RASGEF1C: variants seen among roughly 807,000 people sequenced by gnomAD.
The protein encoded by RASGEF1C is ras-GEF domain-containing family member 1C.
Under a neutral mutation model 58.1 loss-of-function variants are expected in RASGEF1C, and 27 were observed. The ratio of observed to expected loss-of-function variants is 0.46; its 90% CI spans 0.34 to 0.64. The LOEUF (loss-of-function observed/expected upper bound fraction) is 0.64. Among genes scored for constraint, RASGEF1C ranks in the 30% least tolerant of loss-of-function variants. The pLI, the probability that RASGEF1C is intolerant of heterozygous loss-of-function variation, is 0.01. For synonymous variants in RASGEF1C, 243 were observed against 246.3 expected (o/e 0.99, Z 0.13); for missense variants, 502 against 605.1 (o/e 0.83, Z 1.79).
chr5:180,131,865 A>G (rs1405639931), intron 4 of RASGEF1C, among the ~76,000 whole-genome samples: 1 of 152,218 alleles, frequency 6.6e-6, no homozygotes, highest in Non-Finnish European at 1.5e-5. Context: ...TTCATTCCAA[A>G]TAATCATCCT....
At chr5:180,123,944 T>G (rs1370202133) in intron 6 of RASGEF1C, among the ~76,000 whole-genome samples, 1 of 152,070 alleles carries the variant, frequency 6.6e-6, no homozygotes, top group Non-Finnish European at 1.5e-5. Context: ...ATTTGGAAAC[T>G]TAGGGGAAAT....
In RASGEF1C at chr5:180,197,931, A is replaced by G. The variant is rs145800404; in HGVS notation, c.-7+11097T>C. 6.6e-6 allele frequency among the ~76,000 whole-genome samples: 1 copy of G among 152,218 alleles called. No homozygotes were observed. Among genetic ancestry groups the G allele is most frequent in the South Asian group, 2.1e-4 (1 of 4,828 alleles). ...TGCGTCCCACGCTTAGCGACATCCA[A>G]TGCACGTAAAGCAGAAATTCCCCAA... On this transcript the variant is annotated intron_variant, in intron 1 of 13. Coordinates refer to ENST00000361132, the MANE Select transcript of RASGEF1C (RefSeq NM_175062.4). This position sits in a 1 kb window ranked among gnomAD's most constrained non-coding sequence, Gnocchi z 4.7.
chr5:180,176,610 G>T (rs2113317909), intron 1 of RASGEF1C, among the ~76,000 whole-genome samples: 1 of 150,358 alleles, frequency 6.7e-6, no homozygotes, highest in East Asian at 2.0e-4. Flanking sequence ...AGGCTGGAGT[G>T]CAGTGGCGCA....
intron 1 of RASGEF1C, among the ~76,000 whole-genome samples, chr5:180,193,030 G>A (rs1405929275): frequency 7.0e-6 from 1 of 143,118 alleles, no homozygotes; most frequent in Non-Finnish European, 1.5e-5. Flanking sequence ...ACAGGCGTGA[G>A]CCATCGCGCC....
intron 12 of RASGEF1C, among the ~76,000 whole-genome samples, chr5:180,110,061 G>A (rs1765933196): frequency 6.6e-6 from 1 of 152,228 alleles, no homozygotes; most frequent in South Asian, 2.1e-4. Context: ...ACGCACTAGT[G>A]TGGATTGAGG....
chr5:180,160,991 C>A (rs962172995), intron 1 of RASGEF1C, among the ~76,000 whole-genome samples: 3 of 152,224 alleles, frequency 2.0e-5, no homozygotes, highest in Non-Finnish European at 4.4e-5. Context: ...GCATTTGGCA[C>A]AGCCCTGGAA....
chr5:180,136,838 C>T (rs1181634442), intron 3 of RASGEF1C: 4 of 356,360 alleles, frequency 1.1e-5, no homozygotes, highest in African/African-American at 4.3e-5. Context: ...TAGGTCTGTG[C>T]CGACCAATCA....
chr5:180,118,782 T>C lies in RASGEF1C; in HGVS notation c.987+5A>G. On this transcript the variant is annotated splice_donor_5th_base_variant and intron_variant, in intron 9 of 13. Transcript: ENST00000361132. ...GGCACCCGGCAGCCCAGCAGCCTCA[T>C]TTACCTCGAGGATGAAAAACTTGGC... 1 of 1,614,166 alleles carries C rather than the reference T, an allele frequency of 6.2e-7. No homozygotes were observed. Among genetic ancestry groups the C allele is most frequent in the Non-Finnish European group, 8.5e-7 (1 of 1,179,970 alleles).
At chr5:180,173,772 G>A (rs553422775) in intron 1 of RASGEF1C, among the ~76,000 whole-genome samples, 13 of 152,226 alleles carry the variant, frequency 8.5e-5, no homozygotes, top group South Asian at 2.1e-4. Flanking sequence ...AATTAGCTGG[G>A]CGTGGTGGTG....
intron 1 of RASGEF1C, among the ~76,000 whole-genome samples, chr5:180,166,829 T>C (rs1020761731): frequency 1.6e-4 from 24 of 152,216 alleles, no homozygotes; most frequent in African/African-American, 5.8e-4. Flanking sequence ...AAGAATATTT[T>C]TAATAGATGT....
intron 1 of RASGEF1C, among the ~76,000 whole-genome samples, chr5:180,194,236 G>A (rs748612120): frequency 5.9e-5 from 9 of 152,142 alleles, no homozygotes; most frequent in Non-Finnish European, 1.2e-4. Flanking sequence ...GCAACACCAC[G>A]GATCGCGTTC....
In RASGEF1C at chr5:180,101,215, A is replaced by G; in HGVS notation, c.*286T>C. 4.0e-6 allele frequency: 2 copies of G among 500,126 alleles called. No individual in the cohort carries two copies. Among genetic ancestry groups the G allele is most frequent in the East Asian group, 6.3e-5 (2 of 31,958 alleles). The allele number at this position is 500,126 out of a possible 1,614,324, so 31.0% of individuals were successfully genotyped here. A position where few individuals can be genotyped will look rare whatever the true frequency, so the allele number is the denominator to read the frequency against. On this transcript the variant is annotated 3_prime_UTR_variant, in exon 14 of 14. Coordinates refer to ENST00000361132, the MANE Select transcript of RASGEF1C (RefSeq NM_175062.4). ...GGGCAGTGTTGTGTCCTTGCCGAGG[A>G]TGGACAGACTGACCAGGCCCCACGG...
chr5:180,172,371 G>A (rs780810814), intron 1 of RASGEF1C, among the ~76,000 whole-genome samples: 140 of 152,150 alleles, frequency 9.2e-4, no homozygotes, highest in Non-Finnish European at 1.8e-3. Flanking sequence ...GGGATGCCCA[G>A]CTCTCTACTG....
At chr5:180,204,616 C>A (rs796281677) in intron 1 of RASGEF1C, among the ~76,000 whole-genome samples, 4 of 149,112 alleles carry the variant, frequency 2.7e-5, no homozygotes, top group African/African-American at 9.9e-5. Flanking sequence ...ATGGATATTC[C>A]TCTATCTATC....
chr5:180,199,175 A>T (rs1756335339), intron 1 of RASGEF1C, among the ~76,000 whole-genome samples: 2 of 152,150 alleles, frequency 1.3e-5, no homozygotes, highest in Non-Finnish European at 2.9e-5. Context: ...GAAGCATCAC[A>T]TTCTGCAATT....
At chr5:180,127,150 C>T (rs1766276063) in intron 6 of RASGEF1C, among the ~76,000 whole-genome samples, 1 of 152,170 alleles carries the variant, frequency 6.6e-6, no homozygotes, top group Non-Finnish European at 1.5e-5. Flanking sequence ...GTCCTGAGCA[C>T]CGGGACCCAG....
intron 12 of RASGEF1C, among the ~76,000 whole-genome samples, chr5:180,103,243 A>C (rs1000997042): frequency 1.3e-5 from 2 of 152,082 alleles, no homozygotes; most frequent in South Asian, 4.2e-4. Context: ...ACGCCCGGCT[A>C]ATGTTTTGTA....
intron 1 of RASGEF1C, among the ~76,000 whole-genome samples, chr5:180,208,825 G>C (rs1299008194): frequency 2.0e-5 from 3 of 151,520 alleles, no homozygotes; most frequent in Non-Finnish European, 4.4e-5. Context: ...GTGCCCTCAG[G>C]GTACCCTACC....
chr5:180,203,067 G>A (rs1756424858), intron 1 of RASGEF1C, among the ~76,000 whole-genome samples: 1 of 152,104 alleles, frequency 6.6e-6, no homozygotes, highest in Non-Finnish European at 1.5e-5. Context: ...AGGGTGACTG[G>A]GAAAACTTTG....
Sources: allele counts gnomAD v4.1 joint callset (sites outside exome capture counted in the v4.1 genomes callset), GRCh38; gene constraint gnomAD v4.1.1; non-coding constraint Gnocchi (gnomAD v3.1); transcripts MANE v1.5; gene names NCBI Gene and HGNC (gene_info 2026-07-23, HGNC 2026-07-21).